MORN1: variants seen among roughly 807,000 people sequenced by gnomAD.
The protein encoded by MORN1 is MORN repeat-containing protein 1.
MORN1 carries 67 observed loss-of-function variants against 61.9 expected under a neutral mutation model. The ratio of observed to expected loss-of-function variants is 1.08; its 90% confidence interval spans 0.89 to 1.33. The LOEUF (loss-of-function observed/expected upper bound fraction) is 1.33, where lower values mean the gene tolerates loss of function less well. MORN1 is among the 40% of genes most tolerant of loss of function. MORN1 has a pLI of 0.00. For synonymous variants in MORN1, 301 were observed against 292.0 expected (o/e 1.03, Z -0.31); for missense variants, 752 against 691.2 (o/e 1.09, Z -0.99).
At chr1:2,335,834 A>AGCCCGGCCCGGCCCGGCCCG (rs893953785) in intron 12 of MORN1, among the ~76,000 whole-genome samples, 2 of 143,018 alleles carry the variant, frequency 1.4e-5, no homozygotes, top group African/African-American at 6.0e-5. Context: ...TCCATAGCCC[A>AGCCCGGCCCGGCCCGGCCCG]GCCCAGCCCA....
intron 8 of MORN1, among the ~76,000 whole-genome samples, chr1:2,363,805 C>CAAAAAAA (rs1553217338): frequency 9.4e-4 from 118 of 124,876 alleles, no homozygotes; most frequent in African/African-American, 1.7e-3. Context: ...AACAAACAAA[C>CAAAAAAA]AAAAAAATAT....
intron 10 of MORN1, among the ~76,000 whole-genome samples, chr1:2,342,588 T>TG (rs1641418665): frequency 6.6e-6 from 1 of 152,064 alleles, no homozygotes; most frequent in East Asian, 1.9e-4. Flanking sequence ...ACAAGACACA[T>TG]GGGGGGCCTC....
chr1:2,355,325 C>T (rs960189457), intron 10 of MORN1: 53 of 1,496,632 alleles, frequency 3.5e-5, no homozygotes, highest in Non-Finnish European at 4.4e-5. Flanking sequence ...CTTGGCCTCC[C>T]GTGGAGTGGC....
At chr1:2,367,656 T>C (rs1642026321) in intron 8 of MORN1, among the ~76,000 whole-genome samples, 1 of 152,136 alleles carries the variant, frequency 6.6e-6, no homozygotes, top group Non-Finnish European at 1.5e-5. Context: ...CATTTTTTTT[T>C]GAGATGGAGT....
chr1:2,360,005 C>T (rs1021676862), intron 8 of MORN1, among the ~76,000 whole-genome samples: 3 of 152,204 alleles, frequency 2.0e-5, no homozygotes, highest in Admixed American at 6.5e-5. Flanking sequence ...CAAACATGGG[C>T]CATTCGGACA....
chr1:2,346,051 TTCCTCAGACAAAGCCACCAGGG>T (rs1641509996), intron 10 of MORN1, among the ~76,000 whole-genome samples: 1 of 132,164 alleles, frequency 7.6e-6, no homozygotes, highest in Admixed American at 7.2e-5. Flanking sequence ...ACCAGGAACC[TTCCTCAGACAAAGCCACCAGGG>T]AACCTTCCTC....
chr1:2,375,980 G>C (rs1360412515), intron 6 of MORN1: 1 of 152,328 alleles, frequency 6.6e-6, no homozygotes, highest in African/African-American at 2.4e-5. Context: ...GGCAACTACA[G>C]TGGATGGGGG....
intron 10 of MORN1, among the ~76,000 whole-genome samples, chr1:2,354,082 C>T (rs1409580484): frequency 9.2e-5 from 14 of 151,768 alleles, no homozygotes; most frequent in East Asian, 3.9e-4. Context: ...GTCAGGAGTT[C>T]GAGACCATCC....
chr1:2,325,600 C>T (rs1353258916), intron 12 of MORN1, among the ~76,000 whole-genome samples: 1 of 150,246 alleles, frequency 6.7e-6, no homozygotes, highest in African/African-American at 2.5e-5. Context: ...CTTCCACCTC[C>T]GCCTCCCAAA....
Position 2,343,160 on chromosome 1 carries a change from G to A in MORN1, c.1037-6310C>T, listed in dbSNP as rs995498933. 4.6e-5 allele frequency among the ~76,000 whole-genome samples: 7 copies of A among 152,286 alleles called. No individual in the cohort carries two copies. The East Asian group carries it at 5.8e-4, about 13-fold the overall frequency. ...CAGAGCTCCTGGGGCCTGGGCCGTCGTGGCTGCTCCTGCGTATTTGGCAAG... is the reference window on the plus strand; with the variant it reads ...CAGAGCTCCTGGGGCCTGGGCCGTCATGGCTGCTCCTGCGTATTTGGCAAG... On this transcript the variant is annotated intron_variant, in intron 10 of 13. Coordinates refer to ENST00000378531, the MANE Select transcript of MORN1 (RefSeq NM_024848.3).
At chr1:2,349,630 C>T (rs2100286582) in intron 10 of MORN1, among the ~76,000 whole-genome samples, 1 of 152,260 alleles carries the variant, frequency 6.6e-6, no homozygotes, top group South Asian at 2.1e-4. Flanking sequence ...CCATAATTAA[C>T]CATAGACAAT....
chr1:2,322,857 G>T, intron 13 of MORN1: 1 of 985,446 alleles, frequency 1.0e-6, no homozygotes, highest in Non-Finnish European at 1.2e-6. Context: ...CCCGGCGGAT[G>T]GGAAGGGTGG....
intron 4 of MORN1, 108 bp from the exon 5 acceptor site, chr1:2,386,005 T>A: frequency 2.1e-6 from 2 of 932,068 alleles, no homozygotes; most frequent in Non-Finnish European, 3.5e-6. Flanking sequence ...GTAGCAAGTC[T>A]AGGAGGCATG....
intron 6 of MORN1, among the ~76,000 whole-genome samples, chr1:2,384,638 G>A (rs1642447028): frequency 1.3e-5 from 2 of 152,224 alleles, no homozygotes; most frequent in South Asian, 4.1e-4. Flanking sequence ...TGCGCCACCA[G>A]TCTTATCCCC....
chr1:2,335,832 C>CCAGCG (rs1404955276), intron 12 of MORN1, among the ~76,000 whole-genome samples: 2 of 144,258 alleles, frequency 1.4e-5, no homozygotes, highest in African/African-American at 5.8e-5. Context: ...CCTCCATAGC[C>CCAGCG]CAGCCCAGCC....
At chr1:2,347,092 G>A (rs1015192107) in intron 10 of MORN1, among the ~76,000 whole-genome samples, 3 of 152,182 alleles carry the variant, frequency 2.0e-5, no homozygotes, top group Non-Finnish European at 4.4e-5. Context: ...CTTGGGAGAT[G>A]GGGAACTCAA....
intron 12 of MORN1, among the ~76,000 whole-genome samples, chr1:2,324,994 C>T (rs912092943): frequency 2.6e-5 from 4 of 151,714 alleles, no homozygotes; most frequent in South Asian, 4.1e-4. Context: ...CAGGTGCCTC[C>T]GATGCTCCTG....
chr1:2,336,666 G>A (rs367841824), intron 11 of MORN1, 51 bp downstream of exon 11: 6 of 1,562,924 alleles, frequency 3.8e-6, no homozygotes, highest in Non-Finnish European at 4.3e-6. Flanking sequence ...GGGTGGGCAG[G>A]GATAGTCTGA....
At chr1:2,355,339 G>A (rs183676222) in intron 10 of MORN1, 15 of 1,514,800 alleles carry the variant, frequency 9.9e-6, no homozygotes, top group African/African-American at 2.8e-5. Context: ...GAGTGGCGCC[G>A]GGCCCTGCTG....
Sources: gnomAD v4.1 joint callset for allele counts (sites outside exome capture counted in the v4.1 genomes callset) on GRCh38, gnomAD v4.1.1 for gene constraint, MANE v1.5 for transcripts, NCBI Gene and HGNC (gene_info 2026-07-23, HGNC 2026-07-21) for gene names.